CHRM2: variants seen among roughly 807,000 people sequenced by gnomAD.
The protein encoded by CHRM2 is cholinergic receptor muscarinic 2.
CHRM2 carries 8 observed loss-of-function variants against 25.0 expected under a neutral mutation model. That is an observed-to-expected ratio of 0.32 (90% confidence interval 0.19 to 0.58). The LOEUF (loss-of-function observed/expected upper bound fraction) is 0.58. Among genes scored for constraint, CHRM2 ranks in the 20% least tolerant of loss-of-function variants. The pLI is 0.88. For missense variants in CHRM2, 440 were observed against 567.1 expected (o/e 0.78, Z 2.28); for synonymous variants, 202 against 205.7 (o/e 0.98, Z 0.15).
At chr7:136,888,207 G>A (rs889608596) in intron 2 of CHRM2, among the ~76,000 whole-genome samples, 4 of 152,248 alleles carry the variant, frequency 2.6e-5, no homozygotes, top group East Asian at 1.9e-4. Flanking sequence ...CCATCGAGTC[G>A]TAGCTTAGTC....
chr7:136,910,061 G>C (rs1179878427), intron 2 of CHRM2, among the ~76,000 whole-genome samples: 1 of 151,852 alleles, frequency 6.6e-6, no homozygotes, highest in Admixed American at 6.6e-5. Flanking sequence ...TTTAGCCAAG[G>C]TGAGGGGTTG....
intron 2 of CHRM2, among the ~76,000 whole-genome samples, chr7:136,873,188 G>T (rs1230385397): frequency 6.6e-6 from 1 of 152,156 alleles, no homozygotes; most frequent in African/African-American, 2.4e-5. Context: ...TACCCACTCT[G>T]TCCACCTTTG....
At chr7:136,943,014 C>T (rs915714964) in intron 2 of CHRM2, among the ~76,000 whole-genome samples, 1 of 152,120 alleles carries the variant, frequency 6.6e-6, no homozygotes, top group Non-Finnish European at 1.5e-5. Flanking sequence ...TAGAGGTCAA[C>T]AAGCCCAGCT....
At chr7:136,943,553 G>A (rs1209556013) in intron 2 of CHRM2, among the ~76,000 whole-genome samples, 3 of 152,098 alleles carry the variant, frequency 2.0e-5, no homozygotes, top group Non-Finnish European at 2.9e-5. Context: ...TTCCTATTAT[G>A]CTTGTAACGG....
intron 2 of CHRM2, chr7:136,871,229 G>A (rs975987621): frequency 4.1e-4 from 63 of 153,308 alleles, no homozygotes; most frequent in African/African-American, 1.4e-3. Context: ...AACTGGAATT[G>A]GGGTTAGGCA....
intron 2 of CHRM2, among the ~76,000 whole-genome samples, chr7:136,922,911 G>T (rs1023906863): frequency 9.2e-5 from 14 of 152,126 alleles, no homozygotes; most frequent in African/African-American, 3.4e-4. Context: ...CGTAGAAGGT[G>T]ATTCATATAC....
intron 2 of CHRM2, among the ~76,000 whole-genome samples, chr7:136,913,496 T>A (rs1320789068): frequency 6.6e-6 from 1 of 151,924 alleles, no homozygotes; most frequent in Non-Finnish European, 1.5e-5. Context: ...AGCAAATATA[T>A]CTGAACTGTT....
chr7:136,928,521 G>A (rs532607403), intron 2 of CHRM2, among the ~76,000 whole-genome samples: 3 of 152,294 alleles, frequency 2.0e-5, no homozygotes, highest in East Asian at 3.9e-4. Flanking sequence ...AGGAAACAAT[G>A]TTTTTAATAC....
intron 2 of CHRM2, among the ~76,000 whole-genome samples, chr7:136,891,409 G>A (rs957599031): frequency 6.6e-6 from 1 of 152,148 alleles, no homozygotes; most frequent in Admixed American, 6.5e-5. Flanking sequence ...CTGTTGGTTT[G>A]TCTGATGTTT....
intron 2 of CHRM2, among the ~76,000 whole-genome samples, chr7:136,962,181 C>T (rs910393448): frequency 8.6e-5 from 13 of 151,360 alleles, no homozygotes; most frequent in Non-Finnish European, 1.6e-4. Context: ...TTTGTCTAAA[C>T]GAGTGCAGTG....
rs759899000 is a variant in CHRM2, at chr7:136,942,132, G to A, written c.-124-50055G>A. Reference sequence around the variant, plus strand: ...TAGCAGTCTTACTGTCAAACACCCAGTATAGGCCTTTGCACATTAACAGAG... The same window carrying A: ...TAGCAGTCTTACTGTCAAACACCCAATATAGGCCTTTGCACATTAACAGAG... On this transcript the variant is annotated intron_variant, in intron 2 of 3. Coordinates refer to ENST00000680005, the MANE Select transcript of CHRM2 (RefSeq NM_001006630.2). Among the ~76,000 whole-genome samples the A allele has an allele frequency of 3.3e-5, 5 of 152,138 alleles. No homozygotes were observed. The South Asian group carries it at 1.0e-3, about 31-fold the overall frequency.
chr7:136,941,172 T>C (rs1442231662), intron 2 of CHRM2, among the ~76,000 whole-genome samples: 3 of 152,210 alleles, frequency 2.0e-5, no homozygotes, highest in Admixed American at 2.0e-4. Context: ...CCAAAAATAC[T>C]ACCGCTGTTA....
chr7:136,901,411 C>G (rs1447917090), intron 2 of CHRM2, among the ~76,000 whole-genome samples: 2 of 151,990 alleles, frequency 1.3e-5, no homozygotes, highest in Non-Finnish European at 2.9e-5. Flanking sequence ...AAAATAGACA[C>G]ACTAAATATT....
At chr7:137,014,610 C>T (rs977104636) in intron 3 of CHRM2, among the ~76,000 whole-genome samples, 2 of 152,026 alleles carry the variant, frequency 1.3e-5, no homozygotes, top group South Asian at 2.1e-4. Flanking sequence ...TACTGGACTT[C>T]AAGTTCATTG....
intron 2 of CHRM2, among the ~76,000 whole-genome samples, chr7:136,915,961 T>G (rs1378533904): frequency 1.3e-5 from 2 of 151,910 alleles, no homozygotes; most frequent in East Asian, 3.9e-4. Flanking sequence ...CATCTTTGTA[T>G]AAATTCTGTC....
chr7:136,874,701 T>A (rs1300786691), intron 2 of CHRM2, among the ~76,000 whole-genome samples: 1 of 152,022 alleles, frequency 6.6e-6, no homozygotes, highest in Non-Finnish European at 1.5e-5. Flanking sequence ...AGAATTTCAA[T>A]TTCAAACAAA....
At chr7:136,875,813 A>G (rs1796030639) in intron 2 of CHRM2, among the ~76,000 whole-genome samples, 1 of 152,214 alleles carries the variant, frequency 6.6e-6, no homozygotes. Flanking sequence ...GAATCCATGC[A>G]CATAGCTTAG....
chr7:136,958,849 G>A (rs1188554619), intron 2 of CHRM2, among the ~76,000 whole-genome samples: 2 of 152,152 alleles, frequency 1.3e-5, no homozygotes, highest in African/African-American at 2.4e-5. Flanking sequence ...ATGGCAGTAG[G>A]AAGTAAATGG....
Position 136,869,740 on chromosome 7 carries a change from C to T in CHRM2, c.-125+322C>T, listed in dbSNP as rs1019927183. On this transcript the variant is annotated intron_variant, in intron 2 of 3. Transcript: ENST00000680005. This position sits in a 1 kb window ranked among gnomAD's most constrained non-coding sequence, Gnocchi z 4.9. ...CCTGGGAGCTGCGCTGTCCCGGCGT[C>T]GCTCCCTATTCCAGCCCCCCATTCC... is the stretch of plus-strand genomic sequence containing the variant. 2.0e-5 allele frequency: 3 copies of T among 152,530 alleles called. No individual in the cohort carries two copies. The highest frequency in any genetic ancestry group is 7.2e-5 in the African/African-American group (3 of 41,450). 9.4% of individuals were successfully genotyped at this position (152,530 alleles called of 1,614,324 possible).
Sources: allele counts gnomAD v4.1 joint callset (sites outside exome capture counted in the v4.1 genomes callset), GRCh38; gene constraint gnomAD v4.1.1; non-coding constraint Gnocchi (gnomAD v3.1); transcripts MANE v1.5; gene names NCBI Gene and HGNC (gene_info 2026-07-23, HGNC 2026-07-21).